The following CNTN1 variants were observed in gnomAD, a reference collection of about 807,000 sequenced individuals.
CNTN1 encodes the protein contactin 1, also known as contactin-1.
Under a neutral mutation model 126.4 loss-of-function variants are expected in CNTN1, and 38 were observed. The ratio of observed to expected loss-of-function variants is 0.30; its 90% CI spans 0.23 to 0.39. The LOEUF is 0.39. Ranked by LOEUF, CNTN1 falls within the 10% of genes least tolerant of loss-of-function variation. The pLI is 1.00. For missense variants in CNTN1, 1,009 were observed against 1,248.4 expected, an observed-to-expected ratio of 0.81 and a Z score of 2.89; for synonymous variants, 413 against 422.6, an observed-to-expected ratio of 0.98 and a Z score of 0.28.
At chr12:40,942,818 T>A (rs954056628) in intron 12 of CNTN1, among the ~76,000 whole-genome samples, 4 of 152,104 alleles carry the variant, frequency 2.6e-5, no homozygotes, top group African/African-American at 9.7e-5. Context: ...TTAGCGGAAA[T>A]TTTGTTATTT....
chr12:40,846,016 G>T (rs1405423443), intron 1 of CNTN1, among the ~76,000 whole-genome samples: 1 of 152,166 alleles, frequency 6.6e-6, no homozygotes, highest in Non-Finnish European at 1.5e-5. Flanking sequence ...GATCTAAAAT[G>T]AATTCAGCAA....
At chr12:41,047,279 T>C (rs151190082) in intron 23 of CNTN1, among the ~76,000 whole-genome samples, 1 of 152,168 alleles carries the variant, frequency 6.6e-6, no homozygotes, top group Non-Finnish European at 1.5e-5. Flanking sequence ...ATTCATACTT[T>C]ACTCTTAAAA....
intron 1 of CNTN1, among the ~76,000 whole-genome samples, chr12:40,705,648 A>G (rs1293860265): frequency 6.6e-6 from 1 of 152,074 alleles, no homozygotes; most frequent in Non-Finnish European, 1.5e-5. Flanking sequence ...GTCATCTAGC[A>G]TTAGGTATAT....
chr12:40,829,376 G>T (rs1941729934), intron 1 of CNTN1, among the ~76,000 whole-genome samples: 1 of 151,612 alleles, frequency 6.6e-6, no homozygotes, highest in African/African-American at 2.4e-5. Flanking sequence ...ATAATATATA[G>T]GTATATCTAC....
chr12:40,868,938 G>A (rs1943396319), intron 1 of CNTN1, among the ~76,000 whole-genome samples: 1 of 151,856 alleles, frequency 6.6e-6, no homozygotes, highest in Non-Finnish European at 1.5e-5. Context: ...TTGAGTTACG[G>A]ACCTTGAAGT....
intron 23 of CNTN1, among the ~76,000 whole-genome samples, chr12:41,035,572 T>C (rs1050614047): frequency 1.3e-5 from 2 of 152,162 alleles, no homozygotes; most frequent in Admixed American, 1.3e-4. Context: ...AACAATTAGA[T>C]TTAATAAAAA....
chr12:40,972,393 A>T lies in CNTN1; in HGVS notation c.1805-8516A>T, dbSNP rs904790549. The T allele has an allele frequency of 8.1e-6, 8 of 984,084 alleles. No individual in the cohort carries two copies. The African/African-American group carries it at 1.0e-4, about 13-fold the overall frequency. 61.0% of individuals were successfully genotyped at this position (984,084 alleles called of 1,614,324 possible). A position where few individuals can be genotyped will look rare whatever the true frequency, so the allele number is the denominator to read the frequency against. On this transcript the variant is annotated intron_variant, in intron 15 of 23. Coordinates refer to ENST00000551295, the MANE Select transcript of CNTN1 (RefSeq NM_001843.4). ...CTTTGGTCAAAGAGATGTGCTTAAA[A>T]TTCTTATTCCTTCACAATAAATAAT...
At chr12:41,034,681 A>G (rs1357293101) in intron 23 of CNTN1, among the ~76,000 whole-genome samples, 1 of 152,202 alleles carries the variant, frequency 6.6e-6, no homozygotes, top group African/African-American at 2.4e-5. Context: ...TAGCCTATAT[A>G]TTTTAGATTG....
intron 1 of CNTN1, among the ~76,000 whole-genome samples, chr12:40,727,370 A>G (rs181266998): frequency 8.9e-4 from 135 of 152,140 alleles, no homozygotes; most frequent in Non-Finnish European, 1.5e-3. Flanking sequence ...ACTCAACAGA[A>G]TTCAAAGCAA....
At chr12:40,779,142 T>C (rs532229907) in intron 1 of CNTN1, among the ~76,000 whole-genome samples, 1 of 151,938 alleles carries the variant, frequency 6.6e-6, no homozygotes, top group Admixed American at 6.6e-5. Flanking sequence ...TAAGGATTTT[T>C]GATAATTATG....
chr12:41,016,455 G>T (rs1024352787), intron 18 of CNTN1, among the ~76,000 whole-genome samples: 1 of 152,308 alleles, frequency 6.6e-6, no homozygotes, highest in South Asian at 2.1e-4. Flanking sequence ...AAGGCCCGGA[G>T]TGAGAGGCCC....
intron 1 of CNTN1, among the ~76,000 whole-genome samples, chr12:40,837,642 G>A (rs1942111958): frequency 1.3e-5 from 2 of 152,194 alleles, no homozygotes; most frequent in Non-Finnish European, 2.9e-5. Context: ...CTGGGGTGCA[G>A]CAGCGTTGAG....
At chr12:40,715,525 C>A (rs1056088292) in intron 1 of CNTN1, among the ~76,000 whole-genome samples, 1 of 152,054 alleles carries the variant, frequency 6.6e-6, no homozygotes, top group Non-Finnish European at 1.5e-5. Flanking sequence ...TAAAAAACAA[C>A]TAAATAGTCT....
chr12:40,985,587 A>G (rs139584587), intron 16 of CNTN1, among the ~76,000 whole-genome samples: 66 of 152,236 alleles, frequency 4.3e-4, no homozygotes, highest in Non-Finnish European at 6.6e-4. Flanking sequence ...TATTGTTTTA[A>G]TCATAATTCC....
intron 1 of CNTN1, among the ~76,000 whole-genome samples, chr12:40,869,978 G>T (rs1326741312): frequency 6.6e-6 from 1 of 152,112 alleles, no homozygotes; most frequent in African/African-American, 2.4e-5. Flanking sequence ...GGAAGTGATT[G>T]AATCATGGGG....
chr12:41,060,407 CT>C (rs1359884164), intron 23 of CNTN1, among the ~76,000 whole-genome samples: 2 of 152,190 alleles, frequency 1.3e-5, no homozygotes, highest in Non-Finnish European at 2.9e-5. Context: ...AACTTTCTCT[CT>C]GGTTCTACTT....
intron 19 of CNTN1, among the ~76,000 whole-genome samples, chr12:41,018,678 G>T (rs946013889): frequency 5.0e-5 from 7 of 141,354 alleles, no homozygotes; most frequent in Non-Finnish European, 3.0e-5. Context: ...GCATACAAAA[G>T]TATGTGTATT....
intron 1 of CNTN1, among the ~76,000 whole-genome samples, chr12:40,725,574 G>C (rs1565651883): frequency 6.6e-6 from 1 of 152,014 alleles, no homozygotes; most frequent in South Asian, 2.1e-4. Context: ...CCATCCCTTT[G>C]AAATATAATC....
At chr12:41,045,668 C>A (rs949068398) in intron 23 of CNTN1, among the ~76,000 whole-genome samples, 1 of 152,084 alleles carries the variant, frequency 6.6e-6, no homozygotes, top group Non-Finnish European at 1.5e-5. Flanking sequence ...AAGTAATTCC[C>A]ATAGTTGGGT....
Sources: gnomAD v4.1 joint callset for allele counts (sites outside exome capture counted in the v4.1 genomes callset) on GRCh38, gnomAD v4.1.1 for gene constraint, MANE v1.5 for transcripts, NCBI Gene and HGNC (gene_info 2026-07-23, HGNC 2026-07-21) for gene names.